Variants in WDFY4 observed in about 807,000 individuals in gnomAD.
The protein encoded by WDFY4 is WD repeat- and FYVE domain-containing protein 4.
A neutral mutation model predicts 351.9 loss-of-function variants in WDFY4; 169 were observed. That is an observed-to-expected ratio of 0.48 (90% CI 0.42 to 0.55). WDFY4 has a LOEUF of 0.55. Among genes scored for constraint, WDFY4 ranks in the 20% least tolerant of loss-of-function variants. The probability of loss-of-function intolerance (pLI) is 0.00; values close to 1 mark genes in which losing one functional copy is unlikely to be tolerated. For synonymous variants in WDFY4, 1,622 were observed against 1,574.6 expected, an observed-to-expected ratio of 1.03 and a Z score of -0.71; for missense variants, 3,803 against 3,935.6, an observed-to-expected ratio of 0.97 and a Z score of 0.90.
At chr10:48,961,736 G>A in intron 53 of WDFY4, among the ~76,000 whole-genome samples, 1 of 152,220 alleles carries the variant, frequency 6.6e-6, no homozygotes, top group East Asian at 1.9e-4. Context: ...TTTGATGAAT[G>A]AGGAGAACAG....
rs2064907001 is a variant in WDFY4, at chr10:48,743,184, G to A, written c.2095G>A (p.Gly699Ser). 1.3e-6 allele frequency: 2 copies of A among 1,551,708 alleles called. No individual in the cohort carries two copies. Among genetic ancestry groups the A allele is most frequent in the Non-Finnish European group, 1.7e-6 (2 of 1,146,996 alleles). ...SAALHWDPVN[G>S]YFFRRNGLFE... The stretch of plus-strand genomic sequence containing the variant: ...AGCGCTGCACTGGGACCCTGTCAAT[G>A]GCTACTTCTTCAGGAGGAATGGGCT... Residue 699 changes from glycine to serine, a missense_variant, in exon 12 of 62, where the codon GGC (glycine) becomes AGC (serine). Physicochemically the swap from Gly to Ser is moderately conservative, Grantham distance 56. Coordinates refer to ENST00000325239, the MANE Select transcript of WDFY4 (RefSeq NM_001394531.1).
chr10:48,718,906 C>G (rs2063991043), intron 2 of WDFY4, among the ~76,000 whole-genome samples: 1 of 152,092 alleles, frequency 6.6e-6, no homozygotes. Context: ...TAAATAGTAT[C>G]CTAAATAATA....
At position 48,790,735 on chromosome 10, in the gene WDFY4, G is replaced by T. The variant is rs41282009; in HGVS notation, c.4075G>T (p.Val1359Leu). 4 of 1,551,684 alleles carry T rather than the reference G, an allele frequency of 2.6e-6. No individual in the cohort carries two copies. The Admixed American group carries it at 5.9e-5, about 23-fold the overall frequency. The part of the protein sequence containing the change: ...AVAVGQLGVR[V>L]FHSSPAASSL... The stretch of plus-strand genomic sequence containing the variant: ...CACTTTATGCCACACAGGGGTGAGG[G>T]TATTCCACTCCAGCCCTGCTGCCAG... Residue 1359 changes from valine (V) to leucine (L), a missense_variant, in exon 23 of 62, where the codon GTA becomes TTA. Transcript: ENST00000325239.
intron 13 of WDFY4, among the ~76,000 whole-genome samples, 193 bp from the exon 14 acceptor site, chr10:48,774,265 A>C (rs1589573662): frequency 7.1e-6 from 1 of 140,362 alleles, no homozygotes; most frequent in African/African-American, 2.9e-5. Context: ...GCTGCCTCCC[A>C]CAGACTTGCC....
At chr10:48,687,207 C>A (rs998452369) in intron 1 of WDFY4, among the ~76,000 whole-genome samples, 3 of 152,096 alleles carry the variant, frequency 2.0e-5, no homozygotes, top group Admixed American at 6.6e-5. Context: ...GGTTACCTGT[C>A]TTTTATCCTA....
At chr10:48,777,569 G>T (rs2066074965) in intron 17 of WDFY4, 74 bp downstream of exon 17, 6 of 1,376,988 alleles carry the variant, frequency 4.4e-6, no homozygotes, top group Non-Finnish European at 5.1e-6. Context: ...CTTGATTGCA[G>T]ATTTTTACTT....
At position 48,963,937 on chromosome 10, in the gene WDFY4, T is replaced by C. The variant is rs1346927450; in HGVS notation, c.8319T>C (p.Val2773=). 6 of 1,551,258 alleles carry C rather than the reference T, an allele frequency of 3.9e-6. No individual in the cohort carries two copies. Among genetic ancestry groups the C allele is most frequent in the Non-Finnish European group, 4.4e-6 (5 of 1,146,996 alleles). ...KQQGPAAVDA[V]NIFHPYFYGD... is the part of the protein sequence containing the mutation. ...AGGGGCCAGCCGCAGTGGATGCTGT[T>C]AATATCTTCCACCCCTACTTCTACG... The change falls in exon 54 of 62, where the codon GTT becomes GTC. Residue 2773 remains valine, a synonymous_variant. Coordinates refer to ENST00000325239, the MANE Select transcript of WDFY4 (RefSeq NM_001394531.1).
chr10:48,926,660 G>A (rs1839595904), intron 47 of WDFY4, among the ~76,000 whole-genome samples: 1 of 152,158 alleles, frequency 6.6e-6, no homozygotes, highest in African/African-American at 2.4e-5. Context: ...CATTTTCATA[G>A]ATGTACCATA....
Position 48,820,366 on chromosome 10 carries a change from C to T in WDFY4, c.5638C>T (p.Leu1880Phe), listed in dbSNP as rs1475344408. The change falls in exon 33 of 62, where the codon CTC becomes TTC. Residue 1880 changes from leucine (L) to phenylalanine (F), a missense_variant. This residue lies in a region of WDFY4 where 3,054 missense variants were observed against 3,148.6 expected (regional missense o/e 0.97). Transcript: ENST00000325239. ...ARRKLREFTQ[L>F]LLRELLLGAS... ...GAGGAAGCTGAGGGAGTTCACGCAG[C>T]TCCTCTTGAGGGAGCTCCTGCTTGG... 2 of 1,551,660 alleles carry T rather than the reference C, an allele frequency of 1.3e-6. No individual in the cohort carries two copies. The highest frequency in any genetic ancestry group is 1.7e-6 in the Non-Finnish European group (2 of 1,147,004).
At chr10:48,955,044 A>G (rs968580906) in intron 51 of WDFY4, among the ~76,000 whole-genome samples, 1 of 152,202 alleles carries the variant, frequency 6.6e-6, no homozygotes, top group Non-Finnish European at 1.5e-5. Flanking sequence ...TACCATCAGC[A>G]TTCATAAAAG....
At chr10:48,971,740 T>C (rs151019017) in intron 57 of WDFY4, among the ~76,000 whole-genome samples, 12 of 152,262 alleles carry the variant, frequency 7.9e-5, no homozygotes, top group Non-Finnish European at 1.5e-4. Context: ...AATAGGGCAG[T>C]GCGAGAAGGG....
chr10:48,904,871 G>A (rs980742621), intron 47 of WDFY4, among the ~76,000 whole-genome samples: 4 of 152,170 alleles, frequency 2.6e-5, no homozygotes, highest in Non-Finnish European at 5.9e-5. Flanking sequence ...GGGGAGTATG[G>A]TTCCCTGAGA....
At chr10:48,924,854 T>C (rs779266341) in intron 47 of WDFY4, among the ~76,000 whole-genome samples, 15 of 152,252 alleles carry the variant, frequency 9.9e-5, no homozygotes, top group Non-Finnish European at 2.1e-4. Flanking sequence ...TTCACACTCA[T>C]GTATCTTTGA....
intron 43 of WDFY4, among the ~76,000 whole-genome samples, chr10:48,888,916 G>A (rs2070577811): frequency 6.6e-6 from 1 of 152,192 alleles, no homozygotes; most frequent in Admixed American, 6.5e-5. Flanking sequence ...GGTTGTAATA[G>A]TTGGTTGGTT....
At chr10:48,810,330 T>C (rs1348001687) in intron 28 of WDFY4, among the ~76,000 whole-genome samples, 200 bp from the exon 29 acceptor site, 3 of 152,238 alleles carry the variant, frequency 2.0e-5, no homozygotes, top group Non-Finnish European at 4.4e-5. Context: ...CTGCAACCAT[T>C]AATAGACAAA....
chr10:48,867,639 G>A (rs2069597525), intron 40 of WDFY4, among the ~76,000 whole-genome samples: 1 of 152,182 alleles, frequency 6.6e-6, no homozygotes, highest in Admixed American at 6.5e-5. Context: ...CCAGTGGTCT[G>A]AGCCTCTGTG....
chr10:48,975,132 C>A, intron 58 of WDFY4, 91 bp downstream of exon 58: 6 of 1,515,840 alleles, frequency 4.0e-6, no homozygotes, highest in Non-Finnish European at 5.4e-6. Context: ...CACAGAGACT[C>A]TAGCCACCCC....
chr10:48,861,579 C>A (rs1380841962), intron 39 of WDFY4, among the ~76,000 whole-genome samples: 1 of 152,122 alleles, frequency 6.6e-6, no homozygotes, highest in Non-Finnish European at 1.5e-5. Flanking sequence ...AATACTTTCC[C>A]CTCTAGGTAA....
chr10:48,873,224 TC>T (rs2133283873), intron 40 of WDFY4, among the ~76,000 whole-genome samples: 1 of 152,344 alleles, frequency 6.6e-6, no homozygotes, highest in South Asian at 2.1e-4. Flanking sequence ...TTTCTGTCCA[TC>T]ACCAGTAGCC....
Sources: allele counts gnomAD v4.1 joint callset (sites outside exome capture counted in the v4.1 genomes callset), GRCh38; gene constraint gnomAD v4.1.1; regional missense constraint gnomAD v4.1.1; transcripts MANE v1.5; gene names NCBI Gene and HGNC (gene_info 2026-07-23, HGNC 2026-07-21).